The following KLHL29 variants were observed in gnomAD, a reference collection of about 807,000 sequenced individuals.
KLHL29 encodes the protein kelch-like protein 29.
Under a neutral mutation model 80.4 loss-of-function variants are expected in KLHL29, and 21 were observed. The ratio of observed to expected loss-of-function variants is 0.26; its 90% CI spans 0.19 to 0.38. KLHL29 has a LOEUF of 0.38. KLHL29 is among the 10% of genes least tolerant of loss of function. The pLI is 1.00. For missense variants in KLHL29, 867 were observed against 1,223.9 expected (o/e 0.71, Z 4.35); for synonymous variants, 511 against 526.8 (o/e 0.97, Z 0.41).
chr2:23,666,225 C>A (rs1295759883), intron 5 of KLHL29, among the ~76,000 whole-genome samples: 2 of 152,224 alleles, frequency 1.3e-5, no homozygotes, highest in African/African-American at 4.8e-5. Flanking sequence ...CATCCACATC[C>A]CAGATGCAGC....
chr2:23,641,593 T>C (rs1669770907), intron 4 of KLHL29, among the ~76,000 whole-genome samples: 1 of 152,248 alleles, frequency 6.6e-6, no homozygotes, highest in Non-Finnish European at 1.5e-5. Context: ...AGTTTTGTTT[T>C]GTTTTGTTTC....
At chr2:23,690,118 T>A (rs1671488858) in intron 6 of KLHL29, 1 of 152,258 alleles carries the variant, frequency 6.6e-6, no homozygotes, top group South Asian at 2.1e-4. Context: ...CCTCCCCCTC[T>A]CCTCCTGGCC....
At chr2:23,675,077 C>T (rs1220463393) in intron 5 of KLHL29, among the ~76,000 whole-genome samples, 2 of 152,180 alleles carry the variant, frequency 1.3e-5, no homozygotes, top group Non-Finnish European at 2.9e-5. Flanking sequence ...CTGTTTCTCA[C>T]CCAAGTCTCC....
intron 3 of KLHL29, among the ~76,000 whole-genome samples, chr2:23,619,472 T>C (rs1640961788): frequency 6.6e-6 from 1 of 152,036 alleles, no homozygotes; most frequent in Non-Finnish European, 1.5e-5. Flanking sequence ...CCTTTTGAAA[T>C]CTGAGCATCC....
intron 2 of KLHL29, among the ~76,000 whole-genome samples, chr2:23,495,994 G>A (rs192732570): frequency 8.1e-4 from 124 of 152,332 alleles, no homozygotes; most frequent in African/African-American, 3.0e-3. Flanking sequence ...GCGCCGCTCT[G>A]CTCCTCCCTC....
chr2:23,671,337 C>A (rs1166774427), intron 5 of KLHL29, among the ~76,000 whole-genome samples: 1 of 152,026 alleles, frequency 6.6e-6, no homozygotes, highest in Non-Finnish European at 1.5e-5. Flanking sequence ...GTTCTCTCTG[C>A]GTCTCTTTCC....
chr2:23,677,766 T>C (rs78052507), intron 5 of KLHL29, among the ~76,000 whole-genome samples: 24 of 152,382 alleles, frequency 1.6e-4, no homozygotes, highest in African/African-American at 5.8e-4. Flanking sequence ...TCGCGCTCCC[T>C]GCTCCTGGAT....
chr2:23,642,214 G>C, intron 4 of KLHL29, 124 bp from the exon 5 acceptor site: 1 of 902,852 alleles, frequency 1.1e-6, no homozygotes, highest in Non-Finnish European at 1.5e-6. Context: ...TAATCGGTCA[G>C]TTCCTGGACG....
chr2:23,580,851 G>A (rs1667963049), intron 3 of KLHL29, among the ~76,000 whole-genome samples: 1 of 140,010 alleles, frequency 7.1e-6, no homozygotes, highest in Admixed American at 7.2e-5. Flanking sequence ...GGTGGCAGGC[G>A]CCTGTAGTCC....
At chr2:23,590,093 G>T (rs1234432715) in intron 3 of KLHL29, among the ~76,000 whole-genome samples, 1 of 152,234 alleles carries the variant, frequency 6.6e-6, no homozygotes, top group Non-Finnish European at 1.5e-5. Context: ...CAAAAGCAGA[G>T]GCCTAGAGAG....
chr2:23,586,774 C>T (rs1328513900), intron 3 of KLHL29, among the ~76,000 whole-genome samples: 1 of 152,168 alleles, frequency 6.6e-6, no homozygotes, highest in Non-Finnish European at 1.5e-5. Context: ...TGGTGCCCCT[C>T]AGCCTCGAGA....
chr2:23,637,560 G>A (rs1204594517), intron 3 of KLHL29, among the ~76,000 whole-genome samples: 1 of 152,200 alleles, frequency 6.6e-6, no homozygotes, highest in African/African-American at 2.4e-5. Flanking sequence ...GAGATAAAGT[G>A]CAGCCTGATG....
chr2:23,487,562 A>G (rs1664968609), intron 2 of KLHL29, among the ~76,000 whole-genome samples: 1 of 152,074 alleles, frequency 6.6e-6, no homozygotes, highest in African/African-American at 2.4e-5. Context: ...CTCTCCTGCC[A>G]TGCCATCACC....
At chr2:23,386,690 G>T (rs971658727) in intron 1 of KLHL29, among the ~76,000 whole-genome samples, 1 of 152,126 alleles carries the variant, frequency 6.6e-6, no homozygotes. Flanking sequence ...GAGCGCTAGG[G>T]TTATCTGCGG....
chr2:23,516,966 G>T (rs77052745), intron 2 of KLHL29, among the ~76,000 whole-genome samples: 7 of 152,230 alleles, frequency 4.6e-5, no homozygotes, highest in Non-Finnish European at 1.0e-4. Flanking sequence ...GCTTTGTCAG[G>T]CTGGTGACGG....
intron 1 of KLHL29, among the ~76,000 whole-genome samples, chr2:23,407,057 T>C (rs1666754524): frequency 6.6e-6 from 1 of 152,234 alleles, no homozygotes; most frequent in South Asian, 2.1e-4. Flanking sequence ...TCCCTTGTCA[T>C]TATTCATTTG....
At chr2:23,493,467 GA>G (rs1343343767) in intron 2 of KLHL29, among the ~76,000 whole-genome samples, 1 of 152,148 alleles carries the variant, frequency 6.6e-6, no homozygotes, top group Non-Finnish European at 1.5e-5. Flanking sequence ...TTTAAATACA[GA>G]GATGGTGTAC....
At chr2:23,619,091 C>G (rs1003659689) in intron 3 of KLHL29, among the ~76,000 whole-genome samples, 24 of 152,244 alleles carry the variant, frequency 1.6e-4, no homozygotes, top group Non-Finnish European at 8.8e-5. Context: ...GGCAGCCTCT[C>G]TGTTGCAGGT....
At chr2:23,559,642 C>T (rs573061647) in intron 2 of KLHL29, among the ~76,000 whole-genome samples, 68 of 151,998 alleles carry the variant, frequency 4.5e-4, no homozygotes, top group Non-Finnish European at 6.8e-4. Flanking sequence ...GGTGTTTGGG[C>T]GAAGGAACAT....
Sources: allele counts gnomAD v4.1 joint callset (sites outside exome capture counted in the v4.1 genomes callset), GRCh38; gene constraint gnomAD v4.1.1; transcripts MANE v1.5; gene names NCBI Gene and HGNC (gene_info 2026-07-23, HGNC 2026-07-21).